VTCN1: variants seen among roughly 807,000 people sequenced by gnomAD.
VTCN1 encodes V-set domain containing T cell activation inhibitor 1, also known as V-set domain-containing T-cell activation inhibitor 1.
VTCN1 carries 26 observed loss-of-function variants against 26.5 expected under a neutral mutation model. That is an observed-to-expected ratio of 0.98 (90% CI 0.72 to 1.36). VTCN1 has a LOEUF of 1.36. VTCN1 is among the 40% of genes most tolerant of loss of function. The pLI is 0.00. For synonymous variants in VTCN1, 116 were observed against 130.7 expected (o/e 0.89, Z 0.77); for missense variants, 298 against 337.7 (o/e 0.88, Z 0.92).
In VTCN1 at chr1:117,169,951, C is replaced by G. The variant is rs762031916; in HGVS notation, c.97+156G>C. Among the ~76,000 whole-genome samples, 4 of 152,062 alleles carry G rather than the reference C, an allele frequency of 2.6e-5. No individual in the cohort carries two copies. The highest frequency in any genetic ancestry group is 4.8e-5 in the African/African-American group (2 of 41,408). On this transcript the variant is annotated intron_variant, in intron 2 of 5. Transcript: ENST00000369458. The surrounding 1 kb of genome is among the most constrained non-coding windows in gnomAD (Gnocchi z 4.0). ...ACACTGAAGTCGAGGACTTAACTGA[C>G]TAATGTAGAGAAAGCACAAGAAGTA...
chr1:117,155,615 A>G lies in VTCN1; in HGVS notation c.445+959T>C, dbSNP rs1217318978. ...TTGACATGACCCCATTTTAAGATGAAGAAACTGAGGCTCAGAGAGATTGCT... is the reference window on the plus strand; with the variant it reads ...TTGACATGACCCCATTTTAAGATGAGGAAACTGAGGCTCAGAGAGATTGCT... On this transcript the variant is annotated intron_variant, in intron 3 of 5. Coordinates refer to ENST00000369458, the MANE Select transcript of VTCN1 (RefSeq NM_024626.4). The surrounding 1 kb of genome is among the most constrained non-coding windows in gnomAD (Gnocchi z 4.8). Among the ~76,000 whole-genome samples, 5 of 152,190 alleles carry G rather than the reference A, an allele frequency of 3.3e-5. No individual in the cohort carries two copies. Among genetic ancestry groups the G allele is most frequent in the Non-Finnish European group, 7.3e-5 (5 of 68,028 alleles).
intron 3 of VTCN1, among the ~76,000 whole-genome samples, chr1:117,154,211 G>A (rs1204488884): frequency 2.0e-5 from 3 of 152,140 alleles, no homozygotes; most frequent in Middle Eastern, 3.2e-3. Context: ...CAGGGAACAC[G>A]CTCTTGGGCG....
chr1:117,180,931 A>G (rs1320558567), intron 1 of VTCN1, among the ~76,000 whole-genome samples: 4 of 152,216 alleles, frequency 2.6e-5, no homozygotes, highest in African/African-American at 7.2e-5. Flanking sequence ...TATCCACTCT[A>G]CAGAGAACCC....
rs537247424 is a variant in VTCN1, at chr1:117,197,501, T to C, written c.32+13323A>G. ...GCTATAATAGTAAATATTCTCTCCATTTACTTAGGGAGTATACTGAGTAAA... is the reference window on the plus strand; with the variant it reads ...GCTATAATAGTAAATATTCTCTCCACTTACTTAGGGAGTATACTGAGTAAA... On this transcript the variant is annotated intron_variant, in intron 1 of 5. Transcript: ENST00000369458. Among the ~76,000 whole-genome samples, 5 of 152,248 alleles carry C rather than the reference T, an allele frequency of 3.3e-5. No individual in the cohort carries two copies. In the South Asian group the frequency reaches 1.0e-3, roughly 32 times the overall value.
In VTCN1 at chr1:117,209,389, A is replaced by G. The variant is rs149700597; in HGVS notation, c.32+1435T>C. 4.3e-3 allele frequency among the ~76,000 whole-genome samples: 659 copies of G among 152,260 alleles called. 7 individuals carry two copies. Among genetic ancestry groups the G allele is most frequent in the African/African-American group, 0.015 (633 of 41,532 alleles). On this transcript the variant is annotated intron_variant, in intron 1 of 5. Transcript: ENST00000369458. ...AAGGCTGGAGGAATGGTGGGCATGG[A>G]GAACTGGGACTGGCAGGAGCAGGGG...
chr1:117,209,559 G>T (rs1241238233), intron 1 of VTCN1, among the ~76,000 whole-genome samples: 1 of 152,208 alleles, frequency 6.6e-6, no homozygotes, highest in Non-Finnish European at 1.5e-5. Context: ...GACACCTAGT[G>T]CAGGGCAGGG....
intron 1 of VTCN1, among the ~76,000 whole-genome samples, chr1:117,195,206 G>A (rs560515552): frequency 6.6e-6 from 1 of 151,578 alleles, no homozygotes; most frequent in East Asian, 1.9e-4. Flanking sequence ...AGGTTGCAGT[G>A]AGCAGAGATC....
rs1348558016 is a variant in VTCN1, at chr1:117,183,747, T to TA, written c.33-13577dup. 6.6e-6 allele frequency among the ~76,000 whole-genome samples: 1 copy of TA among 152,080 alleles called. No individual in the cohort carries two copies. The highest frequency in any genetic ancestry group is 1.5e-5 in the Non-Finnish European group (1 of 68,016). ...AGAATAGTGCATACTAAATAGCCTTTAAAAAAATCCTTGATAAAAATACTT... is the reference window on the plus strand; with the variant it reads ...AGAATAGTGCATACTAAATAGCCTTTAAAAAAAATCCTTGATAAAAATACTT... On this transcript the variant is annotated intron_variant, in intron 1 of 5. Coordinates refer to ENST00000369458, the MANE Select transcript of VTCN1 (RefSeq NM_024626.4). This position sits in a 1 kb window ranked among gnomAD's most constrained non-coding sequence, Gnocchi z 4.1.
At chr1:117,191,083 A>T (rs1648221238) in intron 1 of VTCN1, among the ~76,000 whole-genome samples, 1 of 152,238 alleles carries the variant, frequency 6.6e-6, no homozygotes, top group Admixed American at 6.5e-5. Context: ...ACCATAAAGA[A>T]GAACTAAACA....
intron 1 of VTCN1, among the ~76,000 whole-genome samples, chr1:117,185,360 C>T (rs946085382): frequency 4.6e-5 from 7 of 152,178 alleles, no homozygotes; most frequent in Non-Finnish European, 1.0e-4. Flanking sequence ...CAACCACATT[C>T]CACCAGAAAA....
At chr1:117,154,848 A>AT (rs1043197302) in intron 3 of VTCN1, among the ~76,000 whole-genome samples, 8 of 151,868 alleles carry the variant, frequency 5.3e-5, no homozygotes, top group Admixed American at 2.6e-4. Flanking sequence ...CGCCAATGGT[A>AT]TATTACTATC....
At chr1:117,156,521 T>G in intron 3 of VTCN1, 53 bp downstream of exon 3, 1 of 1,474,346 alleles carries the variant, frequency 6.8e-7, no homozygotes, top group Admixed American at 2.2e-5. Context: ...TCATAATCTT[T>G]AGCCTCAAAT....
In VTCN1 at chr1:117,147,529, C is replaced by T. The variant is rs1034844838; in HGVS notation, c.*45+84G>A. 3.5e-6 allele frequency: 4 copies of T among 1,145,532 alleles called. No individual in the cohort carries two copies. In the African/African-American group the frequency reaches 6.1e-5, roughly 18 times the overall value. 71.0% of individuals were successfully genotyped at this position (1,145,532 alleles called of 1,614,324 possible). On this transcript the variant is annotated intron_variant, in intron 5 of 5. Coordinates refer to ENST00000369458, the MANE Select transcript of VTCN1 (RefSeq NM_024626.4). The surrounding 1 kb of genome is among the most constrained non-coding windows in gnomAD (Gnocchi z 4.6). ...TGTCATTAAATGTTTCTTTCTGTGG[C>T]TGATGCTGAAGGCTATCCGACTCTC... is the stretch of plus-strand genomic sequence containing the variant.
chr1:117,179,035 C>A (rs1290775254), intron 1 of VTCN1, among the ~76,000 whole-genome samples: 1 of 152,150 alleles, frequency 6.6e-6, no homozygotes, highest in Non-Finnish European at 1.5e-5. Flanking sequence ...AGTGGCGGTA[C>A]AATAGCAATG....
intron 2 of VTCN1, among the ~76,000 whole-genome samples, chr1:117,165,604 T>C (rs556138202): frequency 1.8e-4 from 27 of 152,228 alleles, no homozygotes; most frequent in African/African-American, 6.3e-4. Context: ...TTTCGACATA[T>C]GACATGACTG....
At position 117,143,810 on chromosome 1, in the gene VTCN1, A is replaced by T. The variant is rs1223901396; in HGVS notation, c.*1461T>A. The T allele has an allele frequency of 2.0e-5, 3 of 152,142 alleles. No homozygotes were observed. Among genetic ancestry groups the T allele is most frequent in the Non-Finnish European group, 4.4e-5 (3 of 68,030 alleles). The allele number at this position is 152,142 out of a possible 1,614,324, so 9.4% of individuals were successfully genotyped here. On this transcript the variant is annotated 3_prime_UTR_variant, in exon 6 of 6. Coordinates refer to ENST00000369458, the MANE Select transcript of VTCN1 (RefSeq NM_024626.4). ...AGCAGTCATTGTCCTTGCTTTCAAA[A>T]GTCTGTGTGTGCTTCATGGAAGGTA...
intron 1 of VTCN1, 150 bp from the exon 2 acceptor site, chr1:117,170,321 G>A (rs1468913683): frequency 2.5e-6 from 2 of 786,266 alleles, no homozygotes; most frequent in Admixed American, 1.7e-5. Flanking sequence ...CTAGAAACGG[G>A]TACCTTAGAA....
At chr1:117,180,844 C>T (rs1009315756) in intron 1 of VTCN1, among the ~76,000 whole-genome samples, 5 of 152,222 alleles carry the variant, frequency 3.3e-5, no homozygotes, top group Non-Finnish European at 7.3e-5. Context: ...TAGATAAGGG[C>T]AGGAGCACTG....
chr1:117,210,288 C>T (rs534314257), intron 1 of VTCN1, among the ~76,000 whole-genome samples: 2 of 152,248 alleles, frequency 1.3e-5, no homozygotes, highest in South Asian at 2.1e-4. Flanking sequence ...AGGGACCCAA[C>T]CTTTGAGCTG....
Sources: allele counts gnomAD v4.1 joint callset (sites outside exome capture counted in the v4.1 genomes callset), GRCh38; gene constraint gnomAD v4.1.1; non-coding constraint Gnocchi (gnomAD v3.1); transcripts MANE v1.5; gene names NCBI Gene and HGNC (gene_info 2026-07-23, HGNC 2026-07-21).